CFAP77: variants seen among roughly 807,000 people sequenced by gnomAD.
CFAP77 encodes cilia and flagella associated protein 77, also known as cilia- and flagella-associated protein 77.
In CFAP77, 25 loss-of-function variants were observed where a neutral mutation model predicts 31.1. The ratio of observed to expected loss-of-function variants is 0.80; its 90% CI spans 0.59 to 1.12. The LOEUF is 1.12. CFAP77 is among the 50% of genes most tolerant of loss of function. CFAP77 has a pLI of 0.00. For missense variants in CFAP77, 377 were observed against 397.3 expected, an observed-to-expected ratio of 0.95 and a Z score of 0.44; for synonymous variants, 151 against 159.9, an observed-to-expected ratio of 0.94 and a Z score of 0.42.
At position 132,572,785 on chromosome 9, in the gene CFAP77, C is replaced by T. The variant is rs1829978038; in HGVS notation, c.*275C>T. 1 of 464,134 alleles carries T rather than the reference C, an allele frequency of 2.2e-6. No homozygotes were observed. The highest frequency in any genetic ancestry group is 3.8e-6 in the Non-Finnish European group (1 of 263,848). 28.8% of individuals were successfully genotyped at this position (464,134 alleles called of 1,614,324 possible). On this transcript the variant is annotated 3_prime_UTR_variant, in exon 6 of 6. Coordinates refer to ENST00000393216, the MANE Select transcript of CFAP77 (RefSeq NM_001282957.2). ...AGGGCAGGCTCACCCTGCCTCTTCT[C>T]AAGCCCTCACCTGCCAAGACAAGCC...
intron 1 of CFAP77, among the ~76,000 whole-genome samples, chr9:132,470,213 A>G (rs1851231719): frequency 2.0e-5 from 3 of 152,264 alleles, no homozygotes; most frequent in Admixed American, 2.0e-4. Flanking sequence ...CGCAACAGTC[A>G]TTGGGTGAAC....
At position 132,410,489 on chromosome 9, in the gene CFAP77, G is replaced by A. The variant is rs186381239; in HGVS notation, c.195+23G>A. 4.1e-4 allele frequency: 631 copies of A among 1,532,648 alleles called. 3 individuals carry two copies. The African/African-American group carries it at 8.1e-3, about 20-fold the overall frequency. 94.9% of individuals were successfully genotyped at this position (1,532,648 alleles called of 1,614,324 possible). A position where few individuals can be genotyped will look rare whatever the true frequency, so the allele number is the denominator to read the frequency against. The stretch of plus-strand genomic sequence containing the variant: ...AAGGTGAGCACCCCACGCCCACCGC[G>A]CTTTCGCTGTCGCCGGCTCCGGGCA... On this transcript the variant is annotated intron_variant, in intron 1 of 5. Transcript: ENST00000393216.
intron 1 of CFAP77, among the ~76,000 whole-genome samples, chr9:132,459,457 G>C (rs963368834): frequency 6.7e-6 from 1 of 149,604 alleles, no homozygotes; most frequent in East Asian, 2.0e-4. Flanking sequence ...GTGTGTGTAT[G>C]TGTGAGTGTA....
chr9:132,529,528 A>AT (rs1852399276), intron 3 of CFAP77, among the ~76,000 whole-genome samples: 1 of 151,136 alleles, frequency 6.6e-6, no homozygotes, highest in South Asian at 2.1e-4. Context: ...AACAAAAAAA[A>AT]AACTAAACAC....
intron 3 of CFAP77, among the ~76,000 whole-genome samples, chr9:132,529,504 T>TAAAAAA (rs1852395594): frequency 1.5e-5 from 1 of 67,844 alleles, no homozygotes; most frequent in African/African-American, 8.2e-5. Flanking sequence ...ACTTAGAGTA[T>TAAAAAA]AATAAAAAAA....
chr9:132,482,597 G>GA (rs1415487698), intron 1 of CFAP77, among the ~76,000 whole-genome samples: 2 of 152,104 alleles, frequency 1.3e-5, no homozygotes, highest in Admixed American at 1.3e-4. Flanking sequence ...TTTAATGAGT[G>GA]ATGGGAAACT....
chr9:132,498,703 C>A lies in CFAP77; in HGVS notation c.204C>A (p.Leu68=), dbSNP rs372413633. 26 of 1,610,620 alleles carry A rather than the reference C, an allele frequency of 1.6e-5. 1 individual carries two copies. The South Asian group carries it at 2.8e-4, about 17-fold the overall frequency. The change falls in exon 2 of 6, where the codon CTC becomes CTA. Residue 68 remains leucine, a synonymous_variant. Coordinates refer to ENST00000393216, the MANE Select transcript of CFAP77 (RefSeq NM_001282957.2). This position sits in a 1 kb window ranked among gnomAD's most constrained non-coding sequence, Gnocchi z 4.2. ...TGTCCTTCCCCCGACAGGCTGAACT[C>A]GGCAAGCCCCGGGAAAGAAGCTACA... ...FQNPLIVKAE[L]GKPRERSYSL...
At chr9:132,531,490 A>G (rs563660709) in intron 3 of CFAP77, among the ~76,000 whole-genome samples, 5 of 152,094 alleles carry the variant, frequency 3.3e-5, no homozygotes, top group East Asian at 1.9e-4. Context: ...GTGCTGAGCG[A>G]GAGAAAGAGG....
chr9:132,488,539 G>C (rs1029940649), intron 1 of CFAP77, among the ~76,000 whole-genome samples: 12 of 152,202 alleles, frequency 7.9e-5, no homozygotes, highest in Admixed American at 7.8e-4. Context: ...TTGCAAGGCG[G>C]GTCACTCGTT....
chr9:132,513,237 T>C (rs1209794795), intron 3 of CFAP77: 6 of 1,539,704 alleles, frequency 3.9e-6, no homozygotes, highest in Middle Eastern at 1.7e-4. Context: ...TTTTAACCAA[T>C]CCTTTCTTTT....
intron 1 of CFAP77, among the ~76,000 whole-genome samples, chr9:132,420,260 ACG>A (rs1850189269): frequency 1.3e-5 from 2 of 151,844 alleles, no homozygotes; most frequent in East Asian, 3.9e-4. Context: ...GGCAGCGCAG[ACG>A]GCTGATGAGG....
chr9:132,543,226 GC>G (rs1282519036), intron 5 of CFAP77, among the ~76,000 whole-genome samples, 179 bp downstream of exon 5: 1 of 152,236 alleles, frequency 6.6e-6, no homozygotes, highest in Non-Finnish European at 1.5e-5. Flanking sequence ...CCGGAGCTGA[GC>G]CTTTGTGACT....
intron 5 of CFAP77, among the ~76,000 whole-genome samples, chr9:132,562,835 G>A (rs1459304653): frequency 6.6e-6 from 1 of 151,354 alleles, no homozygotes; most frequent in Non-Finnish European, 1.5e-5. Context: ...GAGTAGCTGG[G>A]ATTGCAGACA....
At chr9:132,557,723 A>C (rs1852926523) in intron 5 of CFAP77, among the ~76,000 whole-genome samples, 1 of 152,134 alleles carries the variant, frequency 6.6e-6, no homozygotes, top group Admixed American at 6.5e-5. Flanking sequence ...GGCTGCCGGG[A>C]GTCCATGCGG....
chr9:132,505,934 G>A (rs1217154050), intron 3 of CFAP77, among the ~76,000 whole-genome samples: 1 of 152,228 alleles, frequency 6.6e-6, no homozygotes, highest in East Asian at 1.9e-4. Flanking sequence ...GCTAACAAAA[G>A]CTGCTCTGCA....
chr9:132,446,937 G>A (rs1021086098), intron 1 of CFAP77, among the ~76,000 whole-genome samples: 3 of 151,662 alleles, frequency 2.0e-5, no homozygotes, highest in African/African-American at 4.9e-5. Context: ...TACAGGTGTG[G>A]GGAGCGGGGG....
In CFAP77 at chr9:132,490,496, C is replaced by T. The variant is rs192188103; in HGVS notation, c.196-8199C>T. On this transcript the variant is annotated intron_variant, in intron 1 of 5. Coordinates refer to ENST00000393216, the MANE Select transcript of CFAP77 (RefSeq NM_001282957.2). This position sits in a 1 kb window ranked among gnomAD's most constrained non-coding sequence, Gnocchi z 4.6. The stretch of plus-strand genomic sequence containing the variant: ...AGCCCCTCTGAGGTGCCCAGAGACC[C>T]GCCACCCCTCTGTCAGGCAGCTTTT... Among the ~76,000 whole-genome samples the T allele has an allele frequency of 2.0e-5, 3 of 152,184 alleles. No individual in the cohort carries two copies. Among genetic ancestry groups the T allele is most frequent in the East Asian group, 1.9e-4 (1 of 5,162 alleles).
Position 132,455,516 on chromosome 9 carries a change from C to A in CFAP77, c.196-43179C>A, listed in dbSNP as rs28552489. On this transcript the variant is annotated intron_variant, in intron 1 of 5. Transcript: ENST00000393216. The surrounding 1 kb of genome is among the most constrained non-coding windows in gnomAD (Gnocchi z 4.1). ...GAGCGAGACTCCTGAAAAAAAAAAA[C>A]AAAAAAACTTCGAGACCAGCCTGGG... Among the ~76,000 whole-genome samples, 12 of 149,358 alleles carry A rather than the reference C, an allele frequency of 8.0e-5. No homozygotes were observed. Among genetic ancestry groups the A allele is most frequent in the African/African-American group, 2.5e-4 (10 of 40,554 alleles).
At chr9:132,557,911 T>C (rs944198503) in intron 5 of CFAP77, among the ~76,000 whole-genome samples, 1 of 151,532 alleles carries the variant, frequency 6.6e-6, no homozygotes, top group African/African-American at 2.4e-5. Flanking sequence ...TCTGAGTTTA[T>C]AAGCATCACT....
Sources: gnomAD v4.1 joint callset for allele counts (sites outside exome capture counted in the v4.1 genomes callset) on GRCh38, gnomAD v4.1.1 for gene constraint, Gnocchi (gnomAD v3.1) non-coding constraint, MANE v1.5 for transcripts, NCBI Gene and HGNC (gene_info 2026-07-23, HGNC 2026-07-21) for gene names.